Variants in ACTR3 observed in about 807,000 individuals in gnomAD.
ACTR3 encodes actin related protein 3.
In ACTR3, 12 loss-of-function variants were observed where a neutral mutation model predicts 56.8. That is an observed-to-expected ratio of 0.21 (90% CI 0.14 to 0.34). ACTR3 has a LOEUF of 0.34. Among genes scored for constraint, ACTR3 ranks in the 10% least tolerant of loss-of-function variants. The probability of loss-of-function intolerance (pLI) is 1.00; values close to 1 mark genes in which losing one functional copy is unlikely to be tolerated. For missense variants in ACTR3, 282 were observed against 512.5 expected (o/e 0.55, Z 4.34); for synonymous variants, 162 against 167.4 (o/e 0.97, Z 0.25).
intron 3 of ACTR3, among the ~76,000 whole-genome samples, chr2:113,919,662 A>T (rs1279151100): frequency 2.6e-5 from 4 of 152,200 alleles, no homozygotes; most frequent in Non-Finnish European, 5.9e-5. Context: ...GTATCAATTG[A>T]GGGTAATTCC....
Position 113,931,369 on chromosome 2 carries a change from T to C in ACTR3, c.405T>C (p.Asn135=), listed in dbSNP as rs1424344613. 6.2e-7 allele frequency: 1 copy of C among 1,600,844 alleles called. No individual in the cohort carries two copies. Among genetic ancestry groups the C allele is most frequent in the Admixed American group, 1.7e-5 (1 of 57,986 alleles). ...YTAEIMFESF[N]VPGLYIAVQA... is the part of the protein sequence containing the mutation. The stretch of plus-strand genomic sequence containing the variant: ...CTGAAATAATGTTTGAGTCCTTCAA[T>C]GTTCCAGGCTTGTACATTGCTGTGC... The change falls in exon 5 of 12, where the codon AAT becomes AAC. Residue 135 remains asparagine, a synonymous_variant. Transcript: ENST00000263238.
chr2:113,890,329 G>C lies in ACTR3; in HGVS notation c.44+6G>C, dbSNP rs1678860294. On this transcript the variant is annotated splice_donor_region_variant and intron_variant, in intron 1 of 11. Coordinates refer to ENST00000263238, the MANE Select transcript of ACTR3 (RefSeq NM_005721.5). ...GTGGTGGACTGTGGCACGGGGTAAG[G>C]GGGCTTACGGGCGGGGGTGGGGAAA... is the stretch of plus-strand genomic sequence containing the variant. 6.5e-7 allele frequency: 1 copy of C among 1,532,010 alleles called. No individual in the cohort carries two copies. The highest frequency in any genetic ancestry group is 2.0e-5 in the Admixed American group (1 of 49,630). The allele number at this position is 1,532,010 out of a possible 1,614,324, so 94.9% of individuals were successfully genotyped here.
At chr2:113,939,584 G>A (rs1357008488) in intron 6 of ACTR3, among the ~76,000 whole-genome samples, 9 of 152,212 alleles carry the variant, frequency 5.9e-5, no homozygotes, top group Admixed American at 1.3e-4. Context: ...TTAGGAAAAT[G>A]ATAAGCACTT....
intron 1 of ACTR3, among the ~76,000 whole-genome samples, chr2:113,903,785 C>T (rs889463296): frequency 4.0e-5 from 6 of 151,882 alleles, no homozygotes; most frequent in African/African-American, 1.5e-4. Flanking sequence ...TGAGCCACCC[C>T]GTCTGGCCTG....
At chr2:113,955,994 C>T (rs1316423738) in intron 11 of ACTR3, among the ~76,000 whole-genome samples, 1 of 152,130 alleles carries the variant, frequency 6.6e-6, no homozygotes, top group Non-Finnish European at 1.5e-5. Context: ...ATCTGCCCAC[C>T]TTGGCCTCCC....
chr2:113,899,719 G>A (rs930879227), intron 1 of ACTR3, among the ~76,000 whole-genome samples: 2 of 152,178 alleles, frequency 1.3e-5, no homozygotes, highest in African/African-American at 4.8e-5. Context: ...CATAGTGGCA[G>A]GGATTATTTC....
rs772802067 is a variant in ACTR3 at position 113,962,192 on chromosome 2, C to T, written c.*4737C>T. The T allele has an allele frequency of 5.3e-5, 8 of 151,826 alleles. No individual in the cohort carries two copies. Among genetic ancestry groups the T allele is most frequent in the Non-Finnish European group, 8.8e-5 (6 of 67,892 alleles). 9.4% of individuals were successfully genotyped at this position (151,826 alleles called of 1,614,324 possible). On this transcript the variant is annotated 3_prime_UTR_variant, in exon 12 of 12. Coordinates refer to ENST00000263238, the MANE Select transcript of ACTR3 (RefSeq NM_005721.5). ...TTTCTACCTTAGAAGTGACATTCTG[C>T]GTAAGGTAGTGGGGGATTACTAAGT...
chr2:113,929,753 T>C (rs1375873983), intron 4 of ACTR3, among the ~76,000 whole-genome samples: 3 of 152,100 alleles, frequency 2.0e-5, no homozygotes, highest in Non-Finnish European at 4.4e-5. Context: ...CTTGGCTCAC[T>C]GAAACCTCCC....
chr2:113,892,327 T>C (rs962144067), intron 1 of ACTR3, among the ~76,000 whole-genome samples: 4 of 152,228 alleles, frequency 2.6e-5, no homozygotes, highest in African/African-American at 7.2e-5. Flanking sequence ...ATCACAATAG[T>C]GTATTTTTAA....
chr2:113,955,617 C>A lies in ACTR3; in HGVS notation c.1078-6C>A, dbSNP rs1305227556. 1 of 1,606,014 alleles carries A rather than the reference C, an allele frequency of 6.2e-7. No homozygotes were observed. On this transcript the variant is annotated splice_polypyrimidine_tract_variant and splice_region_variant and intron_variant, in intron 10 of 11. Coordinates refer to ENST00000263238, the MANE Select transcript of ACTR3 (RefSeq NM_005721.5). The stretch of plus-strand genomic sequence containing the variant: ...ATGAAGATGATCATACTATGTCTTT[C>A]TTTAGCCAAAACCTATTGATGTACA...
At position 113,947,471 on chromosome 2, in the gene ACTR3, G is replaced by A. The variant is rs117167983; in HGVS notation, c.859-4008G>A. ...GTTTAAGACCAGCTTGGGCAACATGGGAAGAGCCCGTCTCTACCAAAAAAA... is the reference window on the plus strand; with the variant it reads ...GTTTAAGACCAGCTTGGGCAACATGAGAAGAGCCCGTCTCTACCAAAAAAA... On this transcript the variant is annotated intron_variant, in intron 8 of 11. Transcript: ENST00000263238. 3.7e-3 allele frequency among the ~76,000 whole-genome samples: 556 copies of A among 152,282 alleles called. 19 individuals carry two copies. The East Asian group carries it at 0.085, about 23-fold the overall frequency.
intron 4 of ACTR3, among the ~76,000 whole-genome samples, chr2:113,930,819 T>C (rs1237593990): frequency 6.6e-6 from 1 of 152,222 alleles, no homozygotes; most frequent in African/African-American, 2.4e-5. Context: ...TTCAGAAAGC[T>C]GTACCATTAG....
chr2:113,917,441 CTT>C (rs1389189136), intron 3 of ACTR3, among the ~76,000 whole-genome samples: 1 of 152,108 alleles, frequency 6.6e-6, no homozygotes, highest in East Asian at 1.9e-4. Flanking sequence ...TTCCCTCCCT[CTT>C]TTAATTGAGG....
At chr2:113,912,497 T>C (rs1471129875) in intron 1 of ACTR3, among the ~76,000 whole-genome samples, 3 of 152,206 alleles carry the variant, frequency 2.0e-5, no homozygotes, top group African/African-American at 7.2e-5. Context: ...TTAAATCTTA[T>C]ATTTATTTTT....
intron 3 of ACTR3, among the ~76,000 whole-genome samples, chr2:113,919,002 A>G (rs1679457972): frequency 6.6e-6 from 1 of 152,230 alleles, no homozygotes; most frequent in Non-Finnish European, 1.5e-5. Flanking sequence ...AGAACAGAAA[A>G]TAATATAATG....
At chr2:113,952,030 T>C (rs958136136) in intron 10 of ACTR3, 185 bp downstream of exon 10, 1 of 786,476 alleles carries the variant, frequency 1.3e-6, no homozygotes, top group Non-Finnish European at 1.9e-6. Flanking sequence ...TTCTAGGATA[T>C]TGTCTGTATT....
rs754840229 is a variant in ACTR3 at position 113,961,383 on chromosome 2, A to G, written c.*3928A>G. On this transcript the variant is annotated 3_prime_UTR_variant, in exon 12 of 12. Transcript: ENST00000263238. ...CAGGAACAATAAAAAAGGAACAACG[A>G]TAGAAATACGTGATCTAGGAAAGAA... is the stretch of plus-strand genomic sequence containing the variant. 6 of 151,940 alleles carry G rather than the reference A, an allele frequency of 3.9e-5. No homozygotes were observed. Among genetic ancestry groups the G allele is most frequent in the Non-Finnish European group, 7.4e-5 (5 of 67,868 alleles). The allele number at this position is 151,940 out of a possible 1,614,324, so 9.4% of individuals were successfully genotyped here. A position where few individuals can be genotyped will look rare whatever the true frequency, so the allele number is the denominator to read the frequency against.
intron 6 of ACTR3, among the ~76,000 whole-genome samples, chr2:113,937,910 C>G (rs1679856530): frequency 6.6e-6 from 1 of 152,040 alleles, no homozygotes; most frequent in Admixed American, 6.5e-5. Context: ...AAGTTTTTGT[C>G]TGTTACTGAT....
intron 3 of ACTR3, among the ~76,000 whole-genome samples, chr2:113,917,772 C>T (rs577041568): frequency 1.3e-5 from 2 of 152,128 alleles, no homozygotes; most frequent in South Asian, 2.1e-4. Flanking sequence ...AAAATTTCCC[C>T]GACTGCAAGG....
Sources: allele counts gnomAD v4.1 joint callset (sites outside exome capture counted in the v4.1 genomes callset), GRCh38; gene constraint gnomAD v4.1.1; transcripts MANE v1.5; gene names NCBI Gene and HGNC (gene_info 2026-07-23, HGNC 2026-07-21).